Variants in GRID2 observed in about 807,000 individuals in gnomAD.
The protein encoded by GRID2 is glutamate receptor ionotropic, delta-2.
GRID2 carries 33 observed loss-of-function variants against 114.8 expected under a neutral mutation model. The ratio of observed to expected loss-of-function variants is 0.29; its 90% CI spans 0.22 to 0.38. The LOEUF is 0.38. GRID2 is among the 10% of genes least tolerant of loss of function. The probability of loss-of-function intolerance (pLI) is 1.00; values close to 1 mark genes in which losing one functional copy is unlikely to be tolerated. For synonymous variants in GRID2, 505 were observed against 449.9 expected, an observed-to-expected ratio of 1.12 and a Z score of -1.55; for missense variants, 1,184 against 1,257.7, an observed-to-expected ratio of 0.94 and a Z score of 0.89.
At chr4:92,443,733 C>A (rs1335550186) in intron 1 of GRID2, among the ~76,000 whole-genome samples, 1 of 152,102 alleles carries the variant, frequency 6.6e-6, no homozygotes, top group Non-Finnish European at 1.5e-5. Flanking sequence ...GGGGTACTTG[C>A]CCCTTCCCCA....
chr4:92,618,684 A>G (rs1730125181), intron 2 of GRID2, among the ~76,000 whole-genome samples: 1 of 151,596 alleles, frequency 6.6e-6, no homozygotes, highest in Non-Finnish European at 1.5e-5. Flanking sequence ...TTTCATCAGC[A>G]TTTTGTTGTT....
intron 1 of GRID2, among the ~76,000 whole-genome samples, chr4:92,347,826 A>G (rs1362987101): frequency 1.3e-5 from 2 of 152,194 alleles, no homozygotes; most frequent in African/African-American, 4.8e-5. Flanking sequence ...CACCTTTCAT[A>G]CATTAGTGCA....
At chr4:92,651,644 C>T (rs967773399) in intron 2 of GRID2, among the ~76,000 whole-genome samples, 7 of 152,096 alleles carry the variant, frequency 4.6e-5, no homozygotes, top group Non-Finnish European at 7.4e-5. Context: ...ATTTTCCAAT[C>T]ATGTTCCTTC....
intron 8 of GRID2, among the ~76,000 whole-genome samples, chr4:93,357,624 A>C (rs1179733746): frequency 6.6e-6 from 1 of 151,550 alleles, no homozygotes; most frequent in Non-Finnish European, 1.5e-5. Flanking sequence ...AATATAGTTT[A>C]TATTAAAATT....
At chr4:93,669,217 A>C (rs1008239993) in intron 14 of GRID2, among the ~76,000 whole-genome samples, 4 of 152,060 alleles carry the variant, frequency 2.6e-5, no homozygotes, top group African/African-American at 9.7e-5. Context: ...TCATGTTTCT[A>C]AATATACTTT....
At chr4:93,698,607 GATTA>G (rs752373979) in intron 14 of GRID2, among the ~76,000 whole-genome samples, 35 of 151,996 alleles carry the variant, frequency 2.3e-4, no homozygotes, top group Non-Finnish European at 3.4e-4. Context: ...TATGCTTAAA[GATTA>G]ATTAATAACT....
At chr4:92,774,307 G>A (rs1440049102) in intron 2 of GRID2, among the ~76,000 whole-genome samples, 1 of 152,070 alleles carries the variant, frequency 6.6e-6, no homozygotes, top group South Asian at 2.1e-4. Flanking sequence ...AACAACCCAC[G>A]GCCATGGGAG....
intron 4 of GRID2, among the ~76,000 whole-genome samples, chr4:93,151,814 AT>A (rs1047862544): frequency 1.3e-5 from 2 of 152,120 alleles, no homozygotes; most frequent in African/African-American, 4.8e-5. Flanking sequence ...TGATATTTTA[AT>A]CCAATAATCA....
intron 2 of GRID2, among the ~76,000 whole-genome samples, chr4:92,800,909 T>A (rs113314573): frequency 2.0e-5 from 3 of 152,154 alleles, no homozygotes; most frequent in African/African-American, 7.2e-5. Flanking sequence ...CACTTTTTAT[T>A]AACCCCTGTC....
intron 2 of GRID2, among the ~76,000 whole-genome samples, chr4:92,984,624 T>A (rs535143097): frequency 1.3e-5 from 2 of 152,178 alleles, no homozygotes; most frequent in Non-Finnish European, 1.5e-5. Context: ...GAGTAAGGAA[T>A]CCATGGCCAA....
intron 1 of GRID2, among the ~76,000 whole-genome samples, chr4:92,441,267 G>T (rs1409487259): frequency 6.6e-6 from 1 of 152,098 alleles, no homozygotes; most frequent in Non-Finnish European, 1.5e-5. Flanking sequence ...GAATTATGCC[G>T]AGATAGGTAA....
intron 2 of GRID2, among the ~76,000 whole-genome samples, chr4:92,810,959 T>C (rs1000862628): frequency 6.6e-6 from 1 of 152,038 alleles, no homozygotes; most frequent in African/African-American, 2.4e-5. Flanking sequence ...ATTTTTGTAC[T>C]TTTAGTAGAG....
chr4:92,807,006 A>T (rs186997414), intron 2 of GRID2, among the ~76,000 whole-genome samples: 1 of 151,962 alleles, frequency 6.6e-6, no homozygotes, highest in Non-Finnish European at 1.5e-5. Context: ...AAATATGTCA[A>T]TTGTTCACCT....
At chr4:92,600,046 A>G (rs12649140) in intron 2 of GRID2, among the ~76,000 whole-genome samples, 3,525 of 23,660 alleles carry the variant, frequency 0.15, 53 homozygotes, top group East Asian at 0.22. Context: ...GTGTGTGTGT[A>G]TATATATATA....
At chr4:93,121,884 A>G (rs891820047) in intron 4 of GRID2, among the ~76,000 whole-genome samples, 2 of 152,036 alleles carry the variant, frequency 1.3e-5, no homozygotes, top group Admixed American at 1.3e-4. Context: ...TTTCTGATGG[A>G]TGATTTATTT....
chr4:92,804,018 T>C (rs953050798), intron 2 of GRID2, among the ~76,000 whole-genome samples: 1 of 151,754 alleles, frequency 6.6e-6, no homozygotes, highest in Non-Finnish European at 1.5e-5. Context: ...GAGGCAGAGA[T>C]TGGAGTGATG....
intron 8 of GRID2, among the ~76,000 whole-genome samples, chr4:93,315,409 A>T (rs1756480014): frequency 6.6e-6 from 1 of 152,000 alleles, no homozygotes; most frequent in African/African-American, 2.4e-5. Flanking sequence ...TTCCCTACCC[A>T]CTGTCCCCTG....
At chr4:93,722,767 T>C (rs1468811836) in intron 14 of GRID2, among the ~76,000 whole-genome samples, 1 of 152,234 alleles carries the variant, frequency 6.6e-6, no homozygotes, top group African/African-American at 2.4e-5. Context: ...TCATATTTTA[T>C]CATACACTAG....
chr4:92,615,753 T>C (rs1729977083), intron 2 of GRID2, among the ~76,000 whole-genome samples: 1 of 151,640 alleles, frequency 6.6e-6, no homozygotes. Context: ...TTTAATTCCT[T>C]ATTAGTTTTT....
Sources: gnomAD v4.1 joint callset for allele counts (sites outside exome capture counted in the v4.1 genomes callset) on GRCh38, gnomAD v4.1.1 for gene constraint, MANE v1.5 for transcripts, NCBI Gene and HGNC (gene_info 2026-07-23, HGNC 2026-07-21) for gene names.